Variants in CDC27 observed in about 807,000 individuals in gnomAD.
The protein encoded by CDC27 is cell division cycle protein 27 homolog.
CDC27 carries 27 observed loss-of-function variants against 109.7 expected under a neutral mutation model. The ratio of observed to expected loss-of-function variants is 0.25; its 90% CI spans 0.18 to 0.34. The LOEUF (loss-of-function observed/expected upper bound fraction) is 0.34. CDC27 is among the 10% of genes least tolerant of loss of function. CDC27 has a pLI of 1.00. For synonymous variants in CDC27, 266 were observed against 333.9 expected (o/e 0.80, Z 2.22); for missense variants, 579 against 960.2 (o/e 0.60, Z 5.25).
At chr17:47,152,698 T>C (rs1232990029) in intron 8 of CDC27, among the ~76,000 whole-genome samples, 1 of 152,194 alleles carries the variant, frequency 6.6e-6, no homozygotes, top group Non-Finnish European at 1.5e-5. Context: ...TCAAACTGCA[T>C]ATTATAAATA....
At chr17:47,151,963 C>A (rs751521868) in intron 8 of CDC27, 45 bp from the exon 9 acceptor site, 1 of 1,539,290 alleles carries the variant, frequency 6.5e-7, no homozygotes, top group Non-Finnish European at 8.8e-7. Context: ...ATGGGCTGCA[C>A]TGTAAATGAT....
intron 4 of CDC27, chr17:47,159,996 T>A: frequency 4.3e-6 from 1 of 230,768 alleles, no homozygotes; most frequent in Non-Finnish European, 8.4e-6. Flanking sequence ...CTGAAACCTC[T>A]GCTTCTTTTT....
chr17:47,134,687 G>A (rs1286368508), intron 14 of CDC27, among the ~76,000 whole-genome samples: 1 of 151,876 alleles, frequency 6.6e-6, no homozygotes, highest in Non-Finnish European at 1.5e-5. Context: ...TGTTGGCCAG[G>A]ATGGTCTTGA....
At chr17:47,121,737 T>C (rs2317378) in intron 18 of CDC27, among the ~76,000 whole-genome samples, 12,305 of 133,342 alleles carry the variant, frequency 0.092, 580 homozygotes, top group African/African-American at 0.12. Flanking sequence ...CTGGCATATA[T>C]ATACTTTTTT....
chr17:47,138,596 C>G (rs141829250), intron 13 of CDC27, 143 bp downstream of exon 13: 3 of 566,704 alleles, frequency 5.3e-6, no homozygotes, highest in Non-Finnish European at 9.2e-6. Flanking sequence ...CTCTTCCTCT[C>G]TGAGTCCCTG....
intron 16 of CDC27, among the ~76,000 whole-genome samples, chr17:47,126,746 G>T (rs1335985173): frequency 2.0e-5 from 3 of 152,162 alleles, no homozygotes; most frequent in African/African-American, 7.2e-5. Context: ...GTACTTCAAA[G>T]AGTAGTTAAA....
At chr17:47,130,274 T>G (rs994044003) in intron 15 of CDC27, among the ~76,000 whole-genome samples, 1 of 151,904 alleles carries the variant, frequency 6.6e-6, no homozygotes, top group Non-Finnish European at 1.5e-5. Context: ...GGCAGGAGAA[T>G]TGCTTGAACC....
At chr17:47,188,903 G>T (rs2064558706) in intron 1 of CDC27, 8 of 1,385,772 alleles carry the variant, frequency 5.8e-6, no homozygotes, top group Non-Finnish European at 7.5e-6. Context: ...TGGCTCGGAC[G>T]GGAAAGGCGG....
intron 14 of CDC27, among the ~76,000 whole-genome samples, chr17:47,133,129 ATATATAT>A (rs1568375161): frequency 4.0e-5 from 5 of 123,716 alleles, no homozygotes; most frequent in Admixed American, 8.5e-5. Context: ...ATATATATAT[ATATATAT>A]AATATATATG....
chr17:47,168,888 C>T (rs1027955907), intron 4 of CDC27, among the ~76,000 whole-genome samples: 5 of 151,958 alleles, frequency 3.3e-5, no homozygotes, highest in African/African-American at 1.2e-4. Context: ...TTTAGACAAG[C>T]AGTCCCCAGT....
At chr17:47,155,553 G>A (rs1446635305) in intron 7 of CDC27, among the ~76,000 whole-genome samples, 1 of 152,040 alleles carries the variant, frequency 6.6e-6, no homozygotes, top group Non-Finnish European at 1.5e-5. Context: ...ACCCATTCTA[G>A]CACATAATTT....
In CDC27 at chr17:47,117,823, G is replaced by GT. The variant is rs954378995; in HGVS notation, c.*3111dup. The GT allele has an allele frequency of 6.6e-6, 1 of 152,090 alleles. No homozygotes were observed. Among genetic ancestry groups the GT allele is most frequent in the Non-Finnish European group, 1.5e-5 (1 of 68,016 alleles). The allele number at this position is 152,090 out of a possible 1,614,324, so 9.4% of individuals were successfully genotyped here. On this transcript the variant is annotated 3_prime_UTR_variant, in exon 19 of 19. Transcript: ENST00000066544. ...AAAAAATTAGATAAACATTGCTCTA[G>GT]TTTTTTGTGAAACATAAAACTGTAT...
chr17:47,133,294 A>G (rs1054920229), intron 14 of CDC27, among the ~76,000 whole-genome samples: 31 of 148,476 alleles, frequency 2.1e-4, no homozygotes, highest in Admixed American at 6.1e-4. Flanking sequence ...ATGCACCATC[A>G]CGCCCGGCTA....
At chr17:47,166,918 G>C (rs1410417192) in intron 4 of CDC27, among the ~76,000 whole-genome samples, 3 of 152,166 alleles carry the variant, frequency 2.0e-5, no homozygotes, top group Non-Finnish European at 1.5e-5. Flanking sequence ...GCAATGGTGT[G>C]ATCTCGACTC....
At chr17:47,165,804 CATTT>C (rs1343407391) in intron 4 of CDC27, among the ~76,000 whole-genome samples, 1 of 152,080 alleles carries the variant, frequency 6.6e-6, no homozygotes, top group African/African-American at 2.4e-5. Context: ...ATCCATGATT[CATTT>C]GAGTTAAATT....
chr17:47,158,145 G>T (rs1175474723), intron 5 of CDC27, 61 bp downstream of exon 5: 2 of 616,980 alleles, frequency 3.2e-6, no homozygotes, highest in Non-Finnish European at 5.4e-6. Flanking sequence ...CAAAAATTAA[G>T]TAGCAGGAAA....
intron 2 of CDC27, among the ~76,000 whole-genome samples, chr17:47,174,990 C>CAGGACAGGACAGGAA (rs1555558268): frequency 3.5e-5 from 5 of 144,384 alleles, no homozygotes; most frequent in Admixed American, 7.0e-5. Context: ...CAGGACAGGA[C>CAGGACAGGACAGGAA]AGGAAAGGAA....
At position 47,149,246 on chromosome 17, in the gene CDC27, C is replaced by T. The variant is rs543369680; in HGVS notation, c.1070+2560G>A. Among the ~76,000 whole-genome samples the T allele has an allele frequency of 6.6e-5, 10 of 151,986 alleles. No homozygotes were observed. In the South Asian group the frequency reaches 1.7e-3, roughly 25 times the overall value. On this transcript the variant is annotated intron_variant, in intron 9 of 18. Coordinates refer to ENST00000066544, the MANE Select transcript of CDC27 (RefSeq NM_001256.6). The stretch of plus-strand genomic sequence containing the variant: ...GATAAAAAGGCCAGGTGCGGTGGGG[C>T]TCATGACTGTAATCCCAGCACTTCG...
intron 3 of CDC27, chr17:47,170,344 C>T (rs1053016554): frequency 1.1e-5 from 2 of 178,152 alleles, no homozygotes; most frequent in Non-Finnish European, 2.3e-5. Context: ...ACTACAGGTG[C>T]ACACCACCAC....
Sources: allele counts gnomAD v4.1 joint callset (sites outside exome capture counted in the v4.1 genomes callset), GRCh38; gene constraint gnomAD v4.1.1; transcripts MANE v1.5; gene names NCBI Gene and HGNC (gene_info 2026-07-23, HGNC 2026-07-21).